AGMO: variants seen among roughly 807,000 people sequenced by gnomAD.
AGMO encodes glyceryl-ether monooxygenase.
Under a neutral mutation model 60.2 loss-of-function variants are expected in AGMO, and 75 were observed. That is an observed-to-expected ratio of 1.25 (90% confidence interval 1.03 to 1.51). The LOEUF is 1.51. Ranked by LOEUF, AGMO falls within the 40% of genes most tolerant of loss-of-function variation. The probability of loss-of-function intolerance (pLI) is 0.00; values close to 1 mark genes in which losing one functional copy is unlikely to be tolerated. For missense variants in AGMO, 763 were observed against 525.5 expected (o/e 1.45, Z -4.42); for synonymous variants, 261 against 177.1 (o/e 1.47, Z -3.76).
intron 3 of AGMO, among the ~76,000 whole-genome samples, chr7:15,534,858 T>C (rs1784451403): frequency 6.6e-6 from 1 of 151,986 alleles, no homozygotes; most frequent in Non-Finnish European, 1.5e-5. Context: ...TAACTACCAA[T>C]GTATTTTAAT....
intron 12 of AGMO, among the ~76,000 whole-genome samples, chr7:15,283,938 T>C (rs1784033966): frequency 6.6e-6 from 1 of 151,936 alleles, no homozygotes; most frequent in Non-Finnish European, 1.5e-5. Context: ...ACCCTCAAAC[T>C]AGACAAATAC....
chr7:15,361,397 G>A (rs1020848416), intron 12 of AGMO, among the ~76,000 whole-genome samples: 38 of 151,480 alleles, frequency 2.5e-4, no homozygotes, highest in Admixed American at 1.3e-3. Flanking sequence ...AAAATTAGCC[G>A]GGCGTGGTGG....
intron 12 of AGMO, among the ~76,000 whole-genome samples, chr7:15,307,680 C>G (rs1780656418): frequency 6.6e-6 from 1 of 151,980 alleles, no homozygotes; most frequent in Non-Finnish European, 1.5e-5. Flanking sequence ...AAATTTACAC[C>G]TCCAGCTCTC....
chr7:15,270,574 A>T (rs950392240), intron 12 of AGMO, among the ~76,000 whole-genome samples: 2 of 119,508 alleles, frequency 1.7e-5, no homozygotes, highest in South Asian at 2.8e-4. Context: ...TTTGTAGATT[A>T]AACAAATTTA....
At chr7:15,161,273 T>G in the AGMO span, among the ~76,000 whole-genome samples, 1 of 152,106 alleles carries the variant, frequency 6.6e-6, no homozygotes, top group African/African-American at 2.4e-5. Flanking sequence ...ATGGGCCACA[T>G]CTAAGCAGTT....
chr7:15,233,933 G>A (rs887434717), intron 12 of AGMO, among the ~76,000 whole-genome samples: 10 of 152,128 alleles, frequency 6.6e-5, no homozygotes, highest in African/African-American at 2.4e-4. Context: ...TGTAATCCCA[G>A]CTACTTGGGA....
chr7:15,490,111 AT>A (rs1485359226), intron 3 of AGMO, among the ~76,000 whole-genome samples: 2 of 152,206 alleles, frequency 1.3e-5, no homozygotes, highest in African/African-American at 4.8e-5. Flanking sequence ...TAAACAAACA[AT>A]TTTTAAATAT....
At chr7:15,547,969 G>A (rs1359805992) in intron 2 of AGMO, among the ~76,000 whole-genome samples, 2 of 147,066 alleles carry the variant, frequency 1.4e-5, no homozygotes, top group African/African-American at 4.9e-5. Flanking sequence ...CTGGAGATCT[G>A]AGAACAGGCA....
At chr7:15,479,596 A>C (rs545164266) in intron 3 of AGMO, among the ~76,000 whole-genome samples, 2 of 152,288 alleles carry the variant, frequency 1.3e-5, no homozygotes, top group Middle Eastern at 3.4e-3. Flanking sequence ...AATGAATGTA[A>C]TGAAAACAAA....
At chr7:15,220,024 G>A (rs999181752) in intron 12 of AGMO, among the ~76,000 whole-genome samples, 12 of 151,796 alleles carry the variant, frequency 7.9e-5, no homozygotes, top group South Asian at 2.1e-4. Context: ...AATCCCACCC[G>A]TCCTTGAAGG....
intron 3 of AGMO, among the ~76,000 whole-genome samples, chr7:15,512,929 T>G (rs560808580): frequency 5.3e-4 from 80 of 152,314 alleles, no homozygotes; most frequent in African/African-American, 1.9e-3. Flanking sequence ...TGTTATCAGA[T>G]CTGAGTACTC....
chr7:15,124,585 A>G, the AGMO span, among the ~76,000 whole-genome samples: 1 of 151,420 alleles, frequency 6.6e-6, no homozygotes, highest in East Asian at 2.0e-4. Context: ...TTGCTGACAT[A>G]CTCTCCCAGT....
chr7:15,280,620 A>G (rs1220043534), intron 12 of AGMO, among the ~76,000 whole-genome samples: 1 of 152,188 alleles, frequency 6.6e-6, no homozygotes, highest in Non-Finnish European at 1.5e-5. Context: ...CACACATCCC[A>G]TTGCTACTAC....
intron 10 of AGMO, among the ~76,000 whole-genome samples, chr7:15,376,810 C>A (rs1293468196): frequency 6.6e-6 from 1 of 151,986 alleles, no homozygotes; most frequent in Non-Finnish European, 1.5e-5. Context: ...GATTACTAAA[C>A]CAAAATCAAC....
chr7:15,215,078 T>C (rs901405518), intron 12 of AGMO, among the ~76,000 whole-genome samples: 1 of 152,062 alleles, frequency 6.6e-6, no homozygotes, highest in Non-Finnish European at 1.5e-5. Context: ...CTGTTATAAG[T>C]AGAGTAAGCT....
chr7:15,560,170 G>C lies in AGMO; in HGVS notation c.228C>G (p.Ile76Met), dbSNP rs1327613491. The change falls in exon 2 of 13, where the codon ATC becomes ATG. Residue 76 changes from isoleucine (I) to methionine (M), a missense_variant. Ile to Met is a conservative substitution (Grantham distance 10). Transcript: ENST00000342526. The stretch of plus-strand genomic sequence containing the variant: ...GAAGTCGAGACAGAACACCAGCTGA[G>C]ATTGACGTTAAAGCATCATCCAGGC... Reference protein sequence around the residue: ...PGRLDDALTSISAGVLSRLPS... With the variant: ...PGRLDDALTSMSAGVLSRLPS... The C allele has an allele frequency of 1.9e-6, 3 of 1,612,810 alleles. No homozygotes were observed. The highest frequency in any genetic ancestry group is 2.7e-5 in the African/African-American group (2 of 74,856).
At chr7:15,397,655 G>T (rs1784448412) in intron 5 of AGMO, among the ~76,000 whole-genome samples, 1 of 151,716 alleles carries the variant, frequency 6.6e-6, no homozygotes, top group Non-Finnish European at 1.5e-5. Flanking sequence ...TTCTAATCTG[G>T]GGTGCTATCC....
intron 12 of AGMO, among the ~76,000 whole-genome samples, chr7:15,333,928 G>A (rs1301167994): frequency 6.6e-6 from 1 of 151,828 alleles, no homozygotes; most frequent in Non-Finnish European, 1.5e-5. Context: ...AGCATTTATG[G>A]ACTTAATATT....
At chr7:15,327,499 A>G (rs1188206298) in intron 12 of AGMO, among the ~76,000 whole-genome samples, 1 of 152,146 alleles carries the variant, frequency 6.6e-6, no homozygotes, top group Non-Finnish European at 1.5e-5. Flanking sequence ...TTCAACACCT[A>G]GAATGCATCA....
Sources: allele counts gnomAD v4.1 joint callset (sites outside exome capture counted in the v4.1 genomes callset), GRCh38; gene constraint gnomAD v4.1.1; transcripts MANE v1.5; gene names NCBI Gene and HGNC (gene_info 2026-07-23, HGNC 2026-07-21).